TGM2: variants seen among roughly 807,000 people sequenced by gnomAD.
TGM2 encodes the protein transglutaminase 2.
TGM2 carries 53 observed loss-of-function variants against 75.6 expected under a neutral mutation model. The observed-to-expected ratio is 0.70, with a 90% CI of 0.56 to 0.88. The LOEUF (loss-of-function observed/expected upper bound fraction) is 0.88, where lower values mean the gene tolerates loss of function less well. TGM2 is among the 40% of genes least tolerant of loss of function. The pLI, the probability that TGM2 is intolerant of heterozygous loss-of-function variation, is 0.00. For synonymous variants in TGM2, 374 were observed against 381.1 expected, an observed-to-expected ratio of 0.98 and a Z score of 0.22; for missense variants, 842 against 928.5, an observed-to-expected ratio of 0.91 and a Z score of 1.21.
In TGM2 at chr20:38,127,886, C is replaced by T. The variant is rs1300672205; in HGVS notation, c.*2333G>A. 1.3e-5 allele frequency: 2 copies of T among 152,086 alleles called. No homozygotes were observed. The highest frequency in any genetic ancestry group is 2.4e-5 in the African/African-American group (1 of 41,394). 9.4% of individuals were successfully genotyped at this position (152,086 alleles called of 1,614,324 possible). A position where few individuals can be genotyped will look rare whatever the true frequency, so the allele number is the denominator to read the frequency against. ...CATGTATTATTTCTATGGGACAGCA[C>T]AGGTCTTGTGGGAGTTGAGTTAGGA... is the stretch of plus-strand genomic sequence containing the variant. On this transcript the variant is annotated 3_prime_UTR_variant, in exon 13 of 13. Transcript: ENST00000361475.
At chr20:38,135,547 C>T (rs1203992269) in intron 10 of TGM2, among the ~76,000 whole-genome samples, 1 of 140,148 alleles carries the variant, frequency 7.1e-6, no homozygotes, top group African/African-American at 3.0e-5. Context: ...CAGGAGCCCA[C>T]AGCCAGGCAG....
chr20:38,166,276 C>T (rs866082771), upstream of TGM2: 1 of 152,440 alleles, frequency 6.6e-6, no homozygotes, highest in Non-Finnish European at 1.5e-5. Flanking sequence ...CCTACCCCCC[C>T]ACCTATCCAT....
intron 7 of TGM2, 74 bp from the exon 8 acceptor site, chr20:38,141,459 T>C (rs1481618317): frequency 1.8e-6 from 2 of 1,125,920 alleles, no homozygotes; most frequent in African/African-American, 1.5e-5. Context: ...GGGCAGACCA[T>C]GCATTCATGT....
At chr20:38,162,765 A>C (rs1328662297) in intron 1 of TGM2, among the ~76,000 whole-genome samples, 1 of 152,198 alleles carries the variant, frequency 6.6e-6, no homozygotes, top group Non-Finnish European at 1.5e-5. Flanking sequence ...GACAGATGAC[A>C]TGATGTGATG....
At chr20:38,137,876 CTCTGTGCCTCAGTCTACTCA>C (rs2074919211) in intron 10 of TGM2, 5 of 894,362 alleles carry the variant, frequency 5.6e-6, no homozygotes, top group Middle Eastern at 3.6e-4. Context: ...TACTTAACCT[CTCTGTGCCTCAGTCTACTCA>C]TCTGGAAAAC....
chr20:38,131,824 A>G (rs968724859), intron 11 of TGM2, among the ~76,000 whole-genome samples: 22 of 152,134 alleles, frequency 1.4e-4, no homozygotes, highest in Non-Finnish European at 2.5e-4. Context: ...GTGAGCCCTT[A>G]TCATGTGCTG....
rs981224272 is a variant in TGM2 at position 38,130,362 on chromosome 20, G to A, written c.1921C>T (p.Pro641Ser). ...EEQKTVEIPD[P>S]VEAGEEVKVR... The stretch of plus-strand genomic sequence containing the variant: ...TTAACTTCCTCCCCTGCCTCCACGG[G>A]GTCTGGGCTGCAGGGAGAGAGGGGG... Residue 641 changes from proline (P) to serine (S), a missense_variant, in exon 13 of 13, where the codon CCC becomes TCC. Physicochemically the swap from Pro to Ser is moderately conservative, Grantham distance 74. Transcript: ENST00000361475. 6.3e-7 allele frequency: 1 copy of A among 1,590,680 alleles called. No individual in the cohort carries two copies. The highest frequency in any genetic ancestry group is 8.6e-7 in the Non-Finnish European group (1 of 1,168,992).
chr20:38,135,492 T>C (rs991244478), intron 10 of TGM2, among the ~76,000 whole-genome samples: 14 of 151,880 alleles, frequency 9.2e-5, no homozygotes, highest in African/African-American at 3.4e-4. Context: ...CCTTCCCCTT[T>C]GTGTGAATGG....
At chr20:38,151,714 T>C (rs1169472902) in intron 3 of TGM2, among the ~76,000 whole-genome samples, 1 of 152,182 alleles carries the variant, frequency 6.6e-6, no homozygotes, top group Non-Finnish European at 1.5e-5. Flanking sequence ...TACAGAGGGC[T>C]CCCTGGAGGA....
At chr20:38,146,352 A>G (rs545085698) in intron 6 of TGM2, 29 of 371,496 alleles carry the variant, frequency 7.8e-5, no homozygotes, top group Non-Finnish European at 1.1e-4. Context: ...CATTTTCCAG[A>G]CGAGGAAACT....
In TGM2 at chr20:38,132,337, TA is replaced by T; in HGVS notation, c.1776+2del. 1 of 1,614,074 alleles carries T rather than the reference TA, an allele frequency of 6.2e-7. No individual in the cohort carries two copies. The highest frequency in any genetic ancestry group is 8.5e-7 in the Non-Finnish European group (1 of 1,179,978). ...CCCTGCCCCTTGCCCAGCCTGCCCT[TA>T]CCCGGATCTTGATTTCTGGATTCTC... On this transcript the variant is annotated splice_donor_variant, in intron 11 of 12. Coordinates refer to ENST00000361475, the MANE Select transcript of TGM2 (RefSeq NM_004613.4). LOFTEE classifies it high-confidence loss of function.
chr20:38,150,213 A>C (rs1242394131), intron 4 of TGM2, among the ~76,000 whole-genome samples: 1 of 152,168 alleles, frequency 6.6e-6, no homozygotes, highest in African/African-American at 2.4e-5. Flanking sequence ...CCCACTGGGG[A>C]GTGAGAAACC....
chr20:38,147,894 G>T, intron 5 of TGM2, 67 bp downstream of exon 5: 14 of 1,564,524 alleles, frequency 8.9e-6, no homozygotes, highest in Non-Finnish European at 1.1e-5. Flanking sequence ...TGTCTCCACT[G>T]CGAGGGAGAG....
chr20:38,135,982 G>A (rs1275424715), intron 10 of TGM2, among the ~76,000 whole-genome samples: 1 of 152,180 alleles, frequency 6.6e-6, no homozygotes, highest in Non-Finnish European at 1.5e-5. Context: ...TGTTCACCGC[G>A]CCCAAGGTGG....
chr20:38,149,692 A>AAAC lies in TGM2; in HGVS notation c.552+1246_552+1247insGTT, dbSNP rs1555809516. Among the ~76,000 whole-genome samples, 73 of 147,144 alleles carry AAAC rather than the reference A, an allele frequency of 5.0e-4. 2 individuals carry two copies. The highest frequency in any genetic ancestry group is 1.6e-4 in the Non-Finnish European group (11 of 67,514). The stretch of plus-strand genomic sequence containing the variant: ...AGACTCCGCCTCAAAAAAAAAAAAA[A>AAAC]AAAAAAAAACAGGACCCTGGGAAAT... On this transcript the variant is annotated intron_variant, in intron 4 of 12. Transcript: ENST00000361475.
intron 10 of TGM2, among the ~76,000 whole-genome samples, chr20:38,134,811 G>A (rs2074878456): frequency 6.6e-6 from 1 of 152,226 alleles, no homozygotes; most frequent in African/African-American, 2.4e-5. Flanking sequence ...CTGGCTTCCT[G>A]TCCACCAGCA....
intron 3 of TGM2, among the ~76,000 whole-genome samples, chr20:38,154,008 T>C (rs867131804): frequency 6.6e-6 from 1 of 152,052 alleles, no homozygotes; most frequent in Non-Finnish European, 1.5e-5. Context: ...ATAGAGACGG[T>C]GGGTTTCGCC....
Position 38,139,997 on chromosome 20 carries a change from G to T in TGM2, c.1100-343C>A, listed in dbSNP as rs45530631. Among the ~76,000 whole-genome samples, 197 of 152,352 alleles carry T rather than the reference G, an allele frequency of 1.3e-3. 2 individuals carry two copies. Among genetic ancestry groups the T allele is most frequent in the Non-Finnish European group, 2.5e-3 (171 of 68,036 alleles). The stretch of plus-strand genomic sequence containing the variant: ...GTAAAGCTCATAGCCTATACTAAAT[G>T]CTATGCAAGTATTTGATAAATAAAA... On this transcript the variant is annotated intron_variant, in intron 8 of 12. Coordinates refer to ENST00000361475, the MANE Select transcript of TGM2 (RefSeq NM_004613.4).
In TGM2 at chr20:38,138,280, A is replaced by C; in HGVS notation, c.1448T>G (p.Met483Arg). The C allele has an allele frequency of 6.2e-7, 1 of 1,614,176 alleles. No individual in the cohort carries two copies. The change falls in exon 10 of 13, where the codon ATG (methionine) becomes AGG (arginine). Residue 483 changes from methionine (M) to arginine (R), a missense_variant. Coordinates refer to ENST00000361475, the MANE Select transcript of TGM2 (RefSeq NM_004613.4). ...MAMRIRVGQS[M>R]NMGSDFDVFA... ...GACGTCAAAGTCACTGCCCATGTTC[A>C]TGCTCTGGCCCACACGGATCCGCAT...
Sources: allele counts gnomAD v4.1 joint callset (sites outside exome capture counted in the v4.1 genomes callset), GRCh38; gene constraint gnomAD v4.1.1; transcripts MANE v1.5; gene names NCBI Gene and HGNC (gene_info 2026-07-23, HGNC 2026-07-21).